Variants in AQP7B observed in about 807,000 individuals in gnomAD.
AQP7B encodes the protein aquaporin 7B.
At chr2:94,603,535 C>T in the AQP7B span, 13 of 1,578,862 alleles carry the variant, frequency 8.2e-6, no homozygotes, top group African/African-American at 1.2e-4. Flanking sequence ...CCTCCCCCTG[C>T]CCTCCACCCC....
chr2:94,598,631 A>T, the AQP7B span, among the ~76,000 whole-genome samples: 3 of 152,204 alleles, frequency 2.0e-5, no homozygotes, highest in Non-Finnish European at 4.4e-5. Context: ...GGTGGAATGC[A>T]GGCCAGTGTT....
the AQP7B span, among the ~76,000 whole-genome samples, chr2:94,595,099 G>T: frequency 6.6e-6 from 1 of 152,102 alleles, no homozygotes; most frequent in Non-Finnish European, 1.5e-5. Flanking sequence ...TGGGGTATCC[G>T]GGGCACGGCT....
the AQP7B span, among the ~76,000 whole-genome samples, chr2:94,597,233 G>A: frequency 6.6e-6 from 1 of 152,174 alleles, no homozygotes; most frequent in Non-Finnish European, 1.5e-5. Flanking sequence ...CCAGGGCAAA[G>A]TAATTCACTT....
the AQP7B span, among the ~76,000 whole-genome samples, chr2:94,602,778 C>T: frequency 2.0e-5 from 3 of 152,140 alleles, no homozygotes; most frequent in Non-Finnish European, 4.4e-5. Flanking sequence ...GACTTGTCTG[C>T]CCCAGATTCT....
At chr2:94,592,109 A>G in the AQP7B span, among the ~76,000 whole-genome samples, 1 of 152,096 alleles carries the variant, frequency 6.6e-6, no homozygotes, top group Non-Finnish European at 1.5e-5. Context: ...CCAGGCTTCC[A>G]GGACTCTCTT....
At chr2:94,603,941 G>T in the AQP7B span, 5 of 1,222,222 alleles carry the variant, frequency 4.1e-6, no homozygotes, top group Non-Finnish European at 4.7e-6. Flanking sequence ...TACTGCCCCT[G>T]CCCAGGCCCA....
At chr2:94,603,519 A>G in the AQP7B span, 3 of 1,599,734 alleles carry the variant, frequency 1.9e-6, no homozygotes, top group Admixed American at 1.7e-5. Context: ...GTCCAGGATG[A>G]GTACCCCTCC....
chr2:94,599,230 G>C, the AQP7B span, among the ~76,000 whole-genome samples: 2 of 151,974 alleles, frequency 1.3e-5, no homozygotes, highest in Admixed American at 6.5e-5. Flanking sequence ...CTGTCAACCT[G>C]TCCTGACCTC....
chr2:94,594,708 C>A, the AQP7B span: 3 of 1,424,362 alleles, frequency 2.1e-6, no homozygotes, highest in Non-Finnish European at 3.0e-6. Context: ...AAACTTGAGT[C>A]TCCTTTCTGT....
chr2:94,598,767 G>A, the AQP7B span, among the ~76,000 whole-genome samples: 1 of 152,144 alleles, frequency 6.6e-6, no homozygotes, highest in East Asian at 1.9e-4. Context: ...CTGACACAGG[G>A]AATCATGTGG....
At chr2:94,591,816 T>A in the AQP7B span, among the ~76,000 whole-genome samples, 2 of 152,102 alleles carry the variant, frequency 1.3e-5, no homozygotes, top group Non-Finnish European at 2.9e-5. Flanking sequence ...TGACCTAAAT[T>A]TCTCTTTCTC....
chr2:94,601,136 C>T, the AQP7B span, among the ~76,000 whole-genome samples: 3 of 152,202 alleles, frequency 2.0e-5, no homozygotes, highest in Non-Finnish European at 4.4e-5. Context: ...GGCCATCTGG[C>T]ACAGGTAACT....
chr2:94,598,226 A>G, the AQP7B span, among the ~76,000 whole-genome samples: 59 of 152,192 alleles, frequency 3.9e-4, no homozygotes, highest in Non-Finnish European at 2.5e-4. Flanking sequence ...TTTTAAAAAT[A>G]TATATATAGG....
chr2:94,603,364 A>G, the AQP7B span: 1 of 1,593,712 alleles, frequency 6.3e-7, no homozygotes, highest in East Asian at 2.2e-5. Flanking sequence ...GGTTCGCATG[A>G]TAGTCTGTGT....
chr2:94,601,029 G>A, the AQP7B span, among the ~76,000 whole-genome samples: 2 of 152,202 alleles, frequency 1.3e-5, no homozygotes, highest in South Asian at 4.1e-4. Context: ...CTGGGTGATA[G>A]AGCAAAACCC....
the AQP7B span, chr2:94,588,600 C>T: frequency 1.4e-6 from 1 of 696,092 alleles, no homozygotes; most frequent in Non-Finnish European, 2.5e-6. Context: ...CCACCCAGCC[C>T]ACTTCAGTGC....
chr2:94,603,077 G>T, the AQP7B span: 2 of 1,593,464 alleles, frequency 1.3e-6, no homozygotes, highest in East Asian at 2.3e-5. Flanking sequence ...CTAACTGTGC[G>T]CTGGGCCGCG....
the AQP7B span, among the ~76,000 whole-genome samples, chr2:94,598,865 G>C: frequency 6.6e-6 from 1 of 152,096 alleles, no homozygotes; most frequent in South Asian, 2.1e-4. Flanking sequence ...GGAGTGCAGT[G>C]GTGTGATCTC....
chr2:94,591,820 C>T, the AQP7B span, among the ~76,000 whole-genome samples: 1 of 152,142 alleles, frequency 6.6e-6, no homozygotes, highest in Non-Finnish European at 1.5e-5. Context: ...CTAAATTTCT[C>T]TTTCTCTGGG....
Sources: gnomAD v4.1 joint callset for allele counts (sites outside exome capture counted in the v4.1 genomes callset) on GRCh38, gnomAD v4.1.1 for gene constraint, MANE v1.5 for transcripts, NCBI Gene and HGNC (gene_info 2026-07-23, HGNC 2026-07-21) for gene names.